Variants in LINGO2 observed in about 807,000 individuals in gnomAD.
LINGO2 encodes leucine-rich repeat and immunoglobulin-like domain-containing nogo receptor-interacting protein 2.
A neutral mutation model predicts 30.6 loss-of-function variants in LINGO2; 14 were observed. The observed-to-expected ratio is 0.46, with a 90% CI of 0.30 to 0.72. The LOEUF is 0.72. LINGO2 is among the 30% of genes least tolerant of loss of function. The pLI, the probability that LINGO2 is intolerant of heterozygous loss-of-function variation, is 0.07. For synonymous variants in LINGO2, 317 were observed against 288.5 expected, an observed-to-expected ratio of 1.10 and a Z score of -1.00; for missense variants, 729 against 751.7, an observed-to-expected ratio of 0.97 and a Z score of 0.35.
intron 4 of LINGO2, among the ~76,000 whole-genome samples, chr9:28,209,061 G>C (rs1320507029): frequency 6.6e-6 from 1 of 151,898 alleles, no homozygotes; most frequent in Non-Finnish European, 1.5e-5. Context: ...TTCTATTCAC[G>C]ACAGAGAGCA....
chr9:28,014,746 C>A (rs1039328034), intron 4 of LINGO2, among the ~76,000 whole-genome samples: 6 of 152,034 alleles, frequency 3.9e-5, no homozygotes, highest in East Asian at 1.9e-4. Context: ...GACTGTCTGA[C>A]CTTGAAGGGC....
At chr9:28,556,707 G>C (rs1460570771) in intron 1 of LINGO2, among the ~76,000 whole-genome samples, 1 of 151,854 alleles carries the variant, frequency 6.6e-6, no homozygotes, top group African/African-American at 2.4e-5. Flanking sequence ...TAAGCCAAAA[G>C]AACAAAGCTG....
chr9:29,070,875 ATATT>A, the LINGO2 span, among the ~76,000 whole-genome samples: 15 of 151,036 alleles, frequency 9.9e-5, no homozygotes, highest in African/African-American at 3.2e-4. Context: ...AAGAATATAT[ATATT>A]AATTGTATAT....
chr9:28,437,449 G>C (rs1340025575), intron 2 of LINGO2, among the ~76,000 whole-genome samples: 2 of 151,914 alleles, frequency 1.3e-5, no homozygotes, highest in Non-Finnish European at 2.9e-5. Context: ...TCTCCAGCTT[G>C]CAGACAGCCT....
chr9:28,039,434 A>G (rs1824098378), intron 4 of LINGO2, among the ~76,000 whole-genome samples: 1 of 152,188 alleles, frequency 6.6e-6, no homozygotes, highest in Admixed American at 6.5e-5. Flanking sequence ...TAACAGTGGG[A>G]AGACAAGAGG....
chr9:28,568,327 G>C (rs773696395), intron 1 of LINGO2, among the ~76,000 whole-genome samples: 14 of 151,998 alleles, frequency 9.2e-5, no homozygotes, highest in Admixed American at 1.3e-4. Flanking sequence ...TCTACTTGTG[G>C]GTAGAGGGTG....
the LINGO2 span, among the ~76,000 whole-genome samples, chr9:28,701,642 A>G: frequency 8.7e-4 from 132 of 151,974 alleles, 1 homozygote; most frequent in Middle Eastern, 0.014. Flanking sequence ...GCTTTTCCAT[A>G]TACATTTTAA....
At chr9:29,016,848 TAAG>T in the LINGO2 span, among the ~76,000 whole-genome samples, 6 of 152,186 alleles carry the variant, frequency 3.9e-5, no homozygotes, top group Admixed American at 1.3e-4. Context: ...CTTCTACATA[TAAG>T]AAGATCATCT....
intron 1 of LINGO2, among the ~76,000 whole-genome samples, chr9:28,486,802 A>C (rs968278114): frequency 6.6e-6 from 1 of 152,110 alleles, no homozygotes; most frequent in Non-Finnish European, 1.5e-5. Flanking sequence ...TAAAAATAAT[A>C]ATAAAATAGT....
chr9:28,296,583 C>T (rs1319320915), intron 3 of LINGO2, among the ~76,000 whole-genome samples: 1 of 152,116 alleles, frequency 6.6e-6, no homozygotes, highest in African/African-American at 2.4e-5. Flanking sequence ...TTAAAAGGCA[C>T]AACAGTATGA....
At chr9:28,990,298 G>A in the LINGO2 span, among the ~76,000 whole-genome samples, 1 of 152,194 alleles carries the variant, frequency 6.6e-6, no homozygotes, top group Non-Finnish European at 1.5e-5. Flanking sequence ...AGCAAGGCTG[G>A]GGGAGGGGTG....
intron 5 of LINGO2, among the ~76,000 whole-genome samples, chr9:28,005,665 T>C (rs1822229947): frequency 6.6e-6 from 1 of 152,164 alleles, no homozygotes; most frequent in South Asian, 2.1e-4. Context: ...TGGTGGTGAT[T>C]TCAGTCTGAG....
At chr9:28,723,358 A>T in the LINGO2 span, among the ~76,000 whole-genome samples, 1 of 152,118 alleles carries the variant, frequency 6.6e-6, no homozygotes, top group Non-Finnish European at 1.5e-5. Flanking sequence ...TTCTGATTCT[A>T]TGAATTGTCT....
At chr9:29,176,714 G>C in the LINGO2 span, among the ~76,000 whole-genome samples, 2 of 152,170 alleles carry the variant, frequency 1.3e-5, no homozygotes, top group African/African-American at 4.8e-5. Context: ...CAATGTACTA[G>C]GAAGTACAGA....
the LINGO2 span, among the ~76,000 whole-genome samples, chr9:28,948,898 T>C: frequency 5.1e-4 from 77 of 151,800 alleles, no homozygotes; most frequent in African/African-American, 1.6e-3. Context: ...CGGTACTAGA[T>C]GGCACAAGTG....
the LINGO2 span, among the ~76,000 whole-genome samples, chr9:28,715,980 A>G: frequency 6.6e-6 from 1 of 152,036 alleles, no homozygotes; most frequent in Non-Finnish European, 1.5e-5. Flanking sequence ...AGAAACAAAA[A>G]TAATAGTGAC....
chr9:28,307,097 G>A (rs1034309163), intron 3 of LINGO2, among the ~76,000 whole-genome samples: 10 of 152,070 alleles, frequency 6.6e-5, no homozygotes, highest in Non-Finnish European at 1.2e-4. Flanking sequence ...GCATCATTCT[G>A]ATACCAAAGC....
At chr9:28,847,743 TATGTTATATATATACACACAC>T in the LINGO2 span, among the ~76,000 whole-genome samples, 4 of 97,314 alleles carry the variant, frequency 4.1e-5, 1 homozygote, top group Admixed American at 1.2e-4. Context: ...TGTATATATA[TATGTTATATATATACACACAC>T]ATATGTGTAT....
At position 28,186,490 on chromosome 9, in the gene LINGO2, C is replaced by A. The variant is rs184249180; in HGVS notation, c.-87+108718G>T. On this transcript the variant is annotated intron_variant, in intron 4 of 5. Transcript: ENST00000379992. ...TCTCTGTTTTCACAAGGCTAATGTT[C>A]TAGACAGATGAGACAATGAACAAAA... Among the ~76,000 whole-genome samples, 113 of 152,082 alleles carry A rather than the reference C, an allele frequency of 7.4e-4. 1 individual carries two copies. The highest frequency in any genetic ancestry group is 2.6e-3 in the African/African-American group (108 of 41,494).
Sources: allele counts gnomAD v4.1 joint callset (sites outside exome capture counted in the v4.1 genomes callset), GRCh38; gene constraint gnomAD v4.1.1; transcripts MANE v1.5; gene names NCBI Gene and HGNC (gene_info 2026-07-23, HGNC 2026-07-21).